FRMPD4: variants seen among roughly 807,000 people sequenced by gnomAD.
FRMPD4 encodes the protein FERM and PDZ domain containing 4.
A neutral mutation model predicts 94.1 loss-of-function variants in FRMPD4; 22 were observed. The observed-to-expected ratio is 0.23, with a 90% CI of 0.17 to 0.33. FRMPD4 has a LOEUF of 0.33. FRMPD4 is among the 10% of genes least tolerant of loss of function. FRMPD4 has a pLI of 1.00. For synonymous variants in FRMPD4, 631 were observed against 548.6 expected, an observed-to-expected ratio of 1.15 and a Z score of -2.10; for missense variants, 1,111 against 1,339.9, an observed-to-expected ratio of 0.83 and a Z score of 2.67.
At chrX:12,415,951 C>T (rs1250553287) in intron 1 of FRMPD4, among the ~76,000 whole-genome samples, 1 of 112,539 alleles carries the variant, frequency 8.9e-6, no homozygotes, top group Non-Finnish European at 1.9e-5. Flanking sequence ...ATCAAGAATT[C>T]TTCATGACAA....
intron 1 of FRMPD4, among the ~76,000 whole-genome samples, chrX:11,848,820 C>T (rs913724688): frequency 8.1e-5 from 9 of 111,446 alleles, no homozygotes; most frequent in African/African-American, 2.6e-4. Context: ...TTTCAACTGA[C>T]TATATTCAAT....
intron 3 of FRMPD4, among the ~76,000 whole-genome samples, chrX:12,055,495 G>A (rs780807820): frequency 5.4e-5 from 6 of 111,879 alleles, no homozygotes; most frequent in South Asian, 3.7e-4. Flanking sequence ...GCCTTCTGCC[G>A]TGATTGGAGG....
At chrX:12,322,132 ATCT>A (rs1322333647) in intron 1 of FRMPD4, among the ~76,000 whole-genome samples, 4 of 111,387 alleles carry the variant, frequency 3.6e-5, no homozygotes, top group Non-Finnish European at 7.5e-5. Flanking sequence ...ATATAAGCAG[ATCT>A]TCTCTGGGGA....
At chrX:12,588,729 C>T (rs146638626) in intron 2 of FRMPD4, among the ~76,000 whole-genome samples, 109 of 112,315 alleles carry the variant, frequency 9.7e-4, no homozygotes, top group African/African-American at 2.7e-3. Context: ...AAATCTCCCA[C>T]GCCACAAGGA....
At chrX:12,228,824 T>G (rs1362383178) in intron 1 of FRMPD4, among the ~76,000 whole-genome samples, 2 of 112,212 alleles carry the variant, frequency 1.8e-5, no homozygotes, top group African/African-American at 6.5e-5. Flanking sequence ...GATAAGAATG[T>G]CTTTTTCTTG....
intron 3 of FRMPD4, among the ~76,000 whole-genome samples, chrX:11,886,982 A>G (rs1235194406): frequency 9.0e-6 from 1 of 110,832 alleles, no homozygotes; most frequent in Non-Finnish European, 1.9e-5. Context: ...TTAGTTTTCT[A>G]CAGCATTCTC....
At position 11,876,101 on chromosome X, in the gene FRMPD4, C is replaced by T. The variant is rs758338603; in HGVS notation, c.-29-1794C>T. On this transcript the variant is annotated intron_variant, in intron 2 of 18. Coordinates refer to the FRMPD4 transcript ENST00000640291. Reference sequence around the variant, plus strand: ...GTGTTAGCCAGGATGGTCTCGTTCGCCTGACCTCGTGATCCGCCCGCCTCG... The same window carrying T: ...GTGTTAGCCAGGATGGTCTCGTTCGTCTGACCTCGTGATCCGCCCGCCTCG... Among the ~76,000 whole-genome samples the T allele has an allele frequency of 1.2e-4, 13 of 109,052 alleles. No homozygotes were observed. The South Asian group carries it at 5.2e-3, about 44-fold the overall frequency. 94.7% of individuals were successfully genotyped at this position (109,052 alleles called of 115,157 possible). A position where few individuals can be genotyped will look rare whatever the true frequency, so the allele number is the denominator to read the frequency against.
intron 3 of FRMPD4, among the ~76,000 whole-genome samples, chrX:11,902,637 G>A (rs968003491): frequency 5.4e-5 from 6 of 111,034 alleles, no homozygotes; most frequent in Admixed American, 9.6e-5. Context: ...ATTTTGGGGC[G>A]AAACAGTCCA....
At chrX:12,097,854 G>A (rs1459395480) in intron 3 of FRMPD4, among the ~76,000 whole-genome samples, 1 of 112,035 alleles carries the variant, frequency 8.9e-6, no homozygotes, top group African/African-American at 3.2e-5. Flanking sequence ...TCCACTTTTG[G>A]GCTATTATGA....
upstream of FRMPD4, among the ~76,000 whole-genome samples, chrX:12,136,119 C>G (rs1444894511): frequency 2.7e-5 from 3 of 111,527 alleles, no homozygotes; most frequent in African/African-American, 6.5e-5. Flanking sequence ...AAGTCATACA[C>G]AGATCAGTAC....
intron 1 of FRMPD4, among the ~76,000 whole-genome samples, chrX:12,234,264 C>G (rs2057046482): frequency 1.8e-5 from 2 of 111,432 alleles, no homozygotes; most frequent in Non-Finnish European, 3.8e-5. Flanking sequence ...TGTTAATGGT[C>G]TAATGTTATG....
chrX:12,198,734 A>G (rs1299843560), intron 1 of FRMPD4, among the ~76,000 whole-genome samples: 1 of 112,125 alleles, frequency 8.9e-6, no homozygotes, highest in Non-Finnish European at 1.9e-5. Context: ...AGACTTTTCC[A>G]GGCTTTGTGT....
At chrX:12,528,319 G>GTT (rs62720861) in intron 2 of FRMPD4, among the ~76,000 whole-genome samples, 27 of 73,828 alleles carry the variant, frequency 3.7e-4, no homozygotes, top group African/African-American at 6.0e-4. Context: ...TTTTGTTTTT[G>GTT]TTTTTTTTTT....
chrX:12,114,290 CTG>C (rs1317241663), intron 3 of FRMPD4, among the ~76,000 whole-genome samples: 1 of 111,194 alleles, frequency 9.0e-6, no homozygotes, highest in African/African-American at 3.3e-5. Context: ...TCTTTTTTCA[CTG>C]TTTCTATGAA....
At chrX:11,883,066 G>C (rs965377507) in intron 3 of FRMPD4, among the ~76,000 whole-genome samples, 2 of 111,683 alleles carry the variant, frequency 1.8e-5, no homozygotes, top group African/African-American at 6.5e-5. Flanking sequence ...TAGGCCTTCG[G>C]GATCCAACAG....
chrX:12,029,895 G>A (rs1199264199), intron 3 of FRMPD4, among the ~76,000 whole-genome samples: 1 of 111,478 alleles, frequency 9.0e-6, no homozygotes, highest in East Asian at 2.8e-4. Flanking sequence ...GGATTACATA[G>A]GGCATATATA....
intron 4 of FRMPD4, among the ~76,000 whole-genome samples, chrX:12,657,822 T>A (rs1170579906): frequency 8.9e-6 from 1 of 112,704 alleles, no homozygotes; most frequent in Non-Finnish European, 1.9e-5. Flanking sequence ...TAGACTTTAC[T>A]AAACTGCAGG....
intron 1 of FRMPD4, among the ~76,000 whole-genome samples, chrX:12,475,250 C>A (rs775082565): frequency 8.9e-6 from 1 of 111,954 alleles, no homozygotes; most frequent in Admixed American, 9.5e-5. Flanking sequence ...AGGCCTTCGA[C>A]AAAATTCGAC....
intron 1 of FRMPD4, among the ~76,000 whole-genome samples, chrX:11,847,803 G>A (rs1468155419): frequency 4.1e-5 from 4 of 97,869 alleles, no homozygotes; most frequent in Non-Finnish European, 8.1e-5. Context: ...AACACCGCAT[G>A]TTCTCACTCA....
Sources: allele counts gnomAD v4.1 joint callset (sites outside exome capture counted in the v4.1 genomes callset), GRCh38; gene constraint gnomAD v4.1.1; transcripts MANE v1.5; gene names NCBI Gene and HGNC (gene_info 2026-07-23, HGNC 2026-07-21).